The following TMEM245 variants were observed in gnomAD, a reference collection of about 807,000 sequenced individuals.
TMEM245 encodes protein CG-2.
TMEM245 carries 69 observed loss-of-function variants against 101.2 expected under a neutral mutation model. The ratio of observed to expected loss-of-function variants is 0.68; its 90% CI spans 0.56 to 0.83. TMEM245 has a LOEUF of 0.83. Ranked by LOEUF, TMEM245 falls within the 40% of genes least tolerant of loss-of-function variation. The pLI is 0.00. For missense variants in TMEM245, 1,075 were observed against 1,092.8 expected, an observed-to-expected ratio of 0.98 and a Z score of 0.23; for synonymous variants, 537 against 449.8, an observed-to-expected ratio of 1.19 and a Z score of -2.45.
intron 17 of TMEM245, among the ~76,000 whole-genome samples, chr9:109,022,338 C>T (rs917669587): frequency 6.6e-6 from 1 of 152,250 alleles, no homozygotes; most frequent in Non-Finnish European, 1.5e-5. Flanking sequence ...GACATGAATA[C>T]ACCAACCATT....
intron 1 of TMEM245, among the ~76,000 whole-genome samples, chr9:109,110,720 T>C (rs1588082595): frequency 6.6e-6 from 1 of 152,030 alleles, no homozygotes; most frequent in African/African-American, 2.4e-5. Flanking sequence ...CAAAACTGAG[T>C]TGTCAATAAA....
rs1468127030 is a variant in TMEM245 at position 109,017,808 on chromosome 9, C to A, written c.*2652G>T. On this transcript the variant is annotated 3_prime_UTR_variant, in exon 18 of 18. Coordinates refer to ENST00000374586, the MANE Select transcript of TMEM245 (RefSeq NM_032012.4). ...CCTACCTTTTCATACCACTTGATCTCTGTTGCCCTGTGAAAATTCTGTAAA... is the reference window on the plus strand; with the variant it reads ...CCTACCTTTTCATACCACTTGATCTATGTTGCCCTGTGAAAATTCTGTAAA... 1 of 152,212 alleles carries A rather than the reference C, an allele frequency of 6.6e-6. No individual in the cohort carries two copies. The highest frequency in any genetic ancestry group is 6.5e-5 in the Admixed American group (1 of 15,274). The allele number at this position is 152,212 out of a possible 1,614,324, so 9.4% of individuals were successfully genotyped here.
chr9:109,028,118 T>C (rs1827841098), intron 17 of TMEM245, among the ~76,000 whole-genome samples: 1 of 152,108 alleles, frequency 6.6e-6, no homozygotes, highest in African/African-American at 2.4e-5. Flanking sequence ...CACTTTGGAA[T>C]ATTTACATTA....
intron 16 of TMEM245, among the ~76,000 whole-genome samples, chr9:109,034,075 C>T (rs982722338): frequency 2.6e-5 from 4 of 152,140 alleles, no homozygotes; most frequent in East Asian, 1.9e-4. Flanking sequence ...TCACAAATGC[C>T]CTCCAGCTTA....
At chr9:109,040,695 C>T (rs374774855) in intron 14 of TMEM245, among the ~76,000 whole-genome samples, 1 of 152,216 alleles carries the variant, frequency 6.6e-6, no homozygotes, top group Non-Finnish European at 1.5e-5. Flanking sequence ...TTCACGTTGT[C>T]GTGTAGCTTT....
intron 8 of TMEM245, among the ~76,000 whole-genome samples, chr9:109,076,966 T>C (rs940114514): frequency 3.3e-5 from 5 of 152,096 alleles, no homozygotes; most frequent in Admixed American, 3.3e-4. Context: ...GTAGCTGAGA[T>C]AACAGGTGTG....
chr9:109,078,706 T>C (rs1829588098), intron 8 of TMEM245, among the ~76,000 whole-genome samples: 1 of 152,266 alleles, frequency 6.6e-6, no homozygotes, highest in Non-Finnish European at 1.5e-5. Flanking sequence ...TTGACTATGA[T>C]GTAGCTAGGC....
In TMEM245 at chr9:109,108,442, AAG is replaced by A; in HGVS notation, c.697+9_697+10del. 2 of 1,436,768 alleles carry A rather than the reference AAG, an allele frequency of 1.4e-6. No homozygotes were observed. Among genetic ancestry groups the A allele is most frequent in the Non-Finnish European group, 1.9e-6 (2 of 1,062,570 alleles). 89.0% of individuals were successfully genotyped at this position (1,436,768 alleles called of 1,614,324 possible). On this transcript the variant is annotated intron_variant, in intron 2 of 17. Coordinates refer to ENST00000374586, the MANE Select transcript of TMEM245 (RefSeq NM_032012.4). ...ACTTAAAAAAAAAAAAAAAAAAAAG[AAG>A]GAACCCACCTAAATGAAAAAGCAAT...
intron 3 of TMEM245, among the ~76,000 whole-genome samples, chr9:109,100,104 G>A (rs1252004188): frequency 6.6e-6 from 1 of 152,148 alleles, no homozygotes; most frequent in Non-Finnish European, 1.5e-5. Flanking sequence ...TTTCTACTAA[G>A]TAAGGTTTCT....
rs536267576 is a variant in TMEM245, at chr9:109,090,916, A to G, written c.1150+6T>C. The G allele has an allele frequency of 6.2e-7, 1 of 1,613,712 alleles. No individual in the cohort carries two copies. The highest frequency in any genetic ancestry group is 1.7e-4 in the Middle Eastern group (1 of 6,060). On this transcript the variant is annotated splice_donor_region_variant and intron_variant, in intron 5 of 17. Transcript: ENST00000374586. ...AAGACGAGATCGTACTTAACCAGAT[A>G]ACGACCTGCAATCGGCACTGGCAGC...
rs1328643905 is a variant in TMEM245, at chr9:109,015,436, A to G, written c.*5024T>C. 3 of 152,300 alleles carry G rather than the reference A, an allele frequency of 2.0e-5. No homozygotes were observed. The allele number at this position is 152,300 out of a possible 1,614,324, so 9.4% of individuals were successfully genotyped here. A position where few individuals can be genotyped will look rare whatever the true frequency, so the allele number is the denominator to read the frequency against. ...GAAATACACTTCAGTTACCTAAATAAGTGGCACTGCAAAGGGCAAAGAAGG... is the reference window on the plus strand; with the variant it reads ...GAAATACACTTCAGTTACCTAAATAGGTGGCACTGCAAAGGGCAAAGAAGG... On this transcript the variant is annotated 3_prime_UTR_variant, in exon 18 of 18. Coordinates refer to ENST00000374586, the MANE Select transcript of TMEM245 (RefSeq NM_032012.4).
chr9:109,027,978 G>A (rs552256157), intron 17 of TMEM245, among the ~76,000 whole-genome samples: 3 of 150,974 alleles, frequency 2.0e-5, no homozygotes, highest in Non-Finnish European at 3.0e-5. Flanking sequence ...CACCGCACCC[G>A]GCCATGTCTC....
chr9:109,044,427 A>G (rs1240113588), intron 14 of TMEM245, among the ~76,000 whole-genome samples: 1 of 152,172 alleles, frequency 6.6e-6, no homozygotes, highest in African/African-American at 2.4e-5. Context: ...TAATGAAGAA[A>G]AGGAGGAGTG....
chr9:109,050,328 C>A lies in TMEM245; in HGVS notation c.2078G>T (p.Gly693Val). ...VISLTPLSQP[G>V]PSSNIIGQSV... Reference sequence around the variant, plus strand: ...CTGGCCAATAATATTAGAAGAAGGACCTGGCTGAGATAGTGGAGTCAGGCT... The same window carrying A: ...CTGGCCAATAATATTAGAAGAAGGAACTGGCTGAGATAGTGGAGTCAGGCT... Residue 693 changes from glycine to valine, a missense_variant, in exon 14 of 18, where the codon GGT (glycine) becomes GTT (valine). This residue lies in a region of TMEM245 where 267 missense variants were observed against 351.3 expected (regional missense o/e 0.76). Coordinates refer to ENST00000374586, the MANE Select transcript of TMEM245 (RefSeq NM_032012.4). 6.2e-7 allele frequency: 1 copy of A among 1,614,048 alleles called. No homozygotes were observed. The highest frequency in any genetic ancestry group is 8.5e-7 in the Non-Finnish European group (1 of 1,180,010).
At chr9:109,106,705 A>G (rs1830434056) in intron 2 of TMEM245, 96 bp from the exon 3 acceptor site, 1 of 791,890 alleles carries the variant, frequency 1.3e-6, no homozygotes, top group East Asian at 2.8e-5. Flanking sequence ...ACAATCTGGT[A>G]TATATATTAG....
chr9:109,115,756 C>T (rs903419187), intron 1 of TMEM245, among the ~76,000 whole-genome samples: 3 of 152,014 alleles, frequency 2.0e-5, no homozygotes, highest in African/African-American at 7.2e-5. Flanking sequence ...TCTCGAACTC[C>T]TGACCTCAGG....
At chr9:109,090,056 T>A (rs1829953793) in intron 5 of TMEM245, among the ~76,000 whole-genome samples, 1 of 151,638 alleles carries the variant, frequency 6.6e-6, no homozygotes, top group Non-Finnish European at 1.5e-5. Flanking sequence ...AGGTAAGGAT[T>A]CGAGACCAGC....
At chr9:109,092,199 C>T (rs1307538682) in intron 4 of TMEM245, among the ~76,000 whole-genome samples, 1 of 152,194 alleles carries the variant, frequency 6.6e-6, no homozygotes, top group African/African-American at 2.4e-5. Context: ...GAATTCCTGG[C>T]ACATACAATA....
intron 7 of TMEM245, among the ~76,000 whole-genome samples, chr9:109,085,651 CA>C (rs1193668580): frequency 1.3e-5 from 2 of 152,208 alleles, no homozygotes; most frequent in Non-Finnish European, 2.9e-5. Flanking sequence ...CTTGCCCTTA[CA>C]ATAACTATTG....
Sources: allele counts gnomAD v4.1 joint callset (sites outside exome capture counted in the v4.1 genomes callset), GRCh38; gene constraint gnomAD v4.1.1; regional missense constraint gnomAD v4.1.1; transcripts MANE v1.5; gene names NCBI Gene and HGNC (gene_info 2026-07-23, HGNC 2026-07-21).